CACNA2D3: variants seen among roughly 807,000 people sequenced by gnomAD.
CACNA2D3 encodes voltage-dependent calcium channel subunit alpha-2/delta-3.
In CACNA2D3, 60 loss-of-function variants were observed where a neutral mutation model predicts 160.6. The ratio of observed to expected loss-of-function variants is 0.37; its 90% CI spans 0.30 to 0.46. The LOEUF is 0.46. Ranked by LOEUF, CACNA2D3 falls within the 20% of genes least tolerant of loss-of-function variation. The probability of loss-of-function intolerance (pLI) is 1.00; values close to 1 mark genes in which losing one functional copy is unlikely to be tolerated. For synonymous variants in CACNA2D3, 558 were observed against 492.9 expected, an observed-to-expected ratio of 1.13 and a Z score of -1.75; for missense variants, 1,205 against 1,365.0, an observed-to-expected ratio of 0.88 and a Z score of 1.85.
At chr3:54,352,085 A>G (rs1328910835) in intron 3 of CACNA2D3, among the ~76,000 whole-genome samples, 1 of 152,146 alleles carries the variant, frequency 6.6e-6, no homozygotes, top group African/African-American at 2.4e-5. Flanking sequence ...CCAGGTGATG[A>G]TAGGCCAGGG....
In CACNA2D3 at chr3:54,203,820, C is replaced by T. The variant is rs200888566; in HGVS notation, c.204+80226C>T. On this transcript the variant is annotated intron_variant, in intron 2 of 37. Transcript: ENST00000474759. The stretch of plus-strand genomic sequence containing the variant: ...CTTCTTCCGCTGATGTGCCTCTTGA[C>T]GTCTGGCTGCCTGCGTGTCTGCTTG... Among the ~76,000 whole-genome samples, 9 of 152,144 alleles carry T rather than the reference C, an allele frequency of 5.9e-5. No homozygotes were observed. In the East Asian group the frequency reaches 1.2e-3, roughly 20 times the overall value.
At chr3:54,891,855 GT>G (rs1433739094) in intron 25 of CACNA2D3, among the ~76,000 whole-genome samples, 1 of 152,198 alleles carries the variant, frequency 6.6e-6, no homozygotes, top group African/African-American at 2.4e-5. Context: ...AAAAGTCACT[GT>G]TCCAAGTCCT....
chr3:54,131,352 G>T (rs999810933), intron 2 of CACNA2D3, among the ~76,000 whole-genome samples: 1 of 152,160 alleles, frequency 6.6e-6, no homozygotes, highest in Non-Finnish European at 1.5e-5. Flanking sequence ...AGCATGGGGG[G>T]AGATGCCCAG....
intron 2 of CACNA2D3, among the ~76,000 whole-genome samples, chr3:54,265,628 TGTGTATATATATAGTGTGTATATATATA>T (rs1559901365): frequency 1.4e-4 from 20 of 143,922 alleles, no homozygotes; most frequent in South Asian, 4.4e-4. Flanking sequence ...ATATATATAG[TGTGTATATATATAGTGTGTATATATATA>T]GTGTATATAT....
rs1302815709 is a variant in CACNA2D3 at position 54,681,826 on chromosome 3, G to T, written c.1167+39585G>T. Reference sequence around the variant, plus strand: ...CCCAAGGAGCTGAGATTGCAGGCAGGCATGCACCACCACACCCAGCTAACT... The same window carrying T: ...CCCAAGGAGCTGAGATTGCAGGCAGTCATGCACCACCACACCCAGCTAACT... On this transcript the variant is annotated intron_variant, in intron 11 of 37. Coordinates refer to ENST00000474759, the MANE Select transcript of CACNA2D3 (RefSeq NM_018398.3). Among the ~76,000 whole-genome samples, 2 of 152,144 alleles carry T rather than the reference G, an allele frequency of 1.3e-5. 1 individual carries two copies. The highest frequency in any genetic ancestry group is 3.9e-4 in the East Asian group (2 of 5,162).
At chr3:54,871,511 CT>C in intron 17 of CACNA2D3, 27 bp from the exon 18 acceptor site, 1 of 1,575,354 alleles carries the variant, frequency 6.3e-7, no homozygotes, top group Non-Finnish European at 8.7e-7. Context: ...TTTTGTTTTT[CT>C]TTTCTTTTTC....
At chr3:54,541,719 G>T (rs1042655890) in intron 5 of CACNA2D3, among the ~76,000 whole-genome samples, 3 of 152,224 alleles carry the variant, frequency 2.0e-5, no homozygotes, top group Non-Finnish European at 4.4e-5. Flanking sequence ...GAAAGATCAT[G>T]AAGGATGAAG....
intron 35 of CACNA2D3, among the ~76,000 whole-genome samples, chr3:55,037,705 T>C (rs1703858928): frequency 1.3e-5 from 2 of 152,194 alleles, no homozygotes; most frequent in South Asian, 2.1e-4. Context: ...CTCATTTTAG[T>C]GTATGTTTTA....
At chr3:54,784,234 C>T (rs553978385) in intron 13 of CACNA2D3, among the ~76,000 whole-genome samples, 2 of 152,174 alleles carry the variant, frequency 1.3e-5, no homozygotes, top group Non-Finnish European at 2.9e-5. Flanking sequence ...GACCTCTGAA[C>T]GGAAGCAAGT....
In CACNA2D3 at chr3:54,885,419, T is replaced by C; in HGVS notation, c.1959-70T>C. ...GTGCTCCCTTGCCCAGTTTTCCTGA[T>C]TCCAAGGCAAAGGAAGCAGATGCTG... On this transcript the variant is annotated intron_variant, in intron 22 of 37. Transcript: ENST00000474759. 4 of 1,600,896 alleles carry C rather than the reference T, an allele frequency of 2.5e-6. No individual in the cohort carries two copies. In the South Asian group the frequency reaches 4.4e-5, roughly 18 times the overall value.
At chr3:54,663,982 A>G (rs1449468727) in intron 11 of CACNA2D3, among the ~76,000 whole-genome samples, 1 of 152,178 alleles carries the variant, frequency 6.6e-6, no homozygotes, top group Non-Finnish European at 1.5e-5. Flanking sequence ...AGATTTTTCC[A>G]TTCCCTAAAG....
At chr3:54,147,970 C>A (rs1700068236) in intron 2 of CACNA2D3, among the ~76,000 whole-genome samples, 1 of 152,190 alleles carries the variant, frequency 6.6e-6, no homozygotes, top group Non-Finnish European at 1.5e-5. Context: ...CCATGCCCAG[C>A]TAATTTTTAT....
intron 9 of CACNA2D3, among the ~76,000 whole-genome samples, chr3:54,620,391 T>TG (rs2106802976): frequency 6.6e-6 from 1 of 152,318 alleles, no homozygotes; most frequent in South Asian, 2.1e-4. Flanking sequence ...TGAGGATACC[T>TG]GCACTGTAGC....
At chr3:54,454,865 G>T (rs938292200) in intron 4 of CACNA2D3, among the ~76,000 whole-genome samples, 1 of 151,796 alleles carries the variant, frequency 6.6e-6, no homozygotes, top group South Asian at 2.1e-4. Flanking sequence ...TCTGTGCCTG[G>T]CTTATTTCAT....
chr3:54,530,588 A>G (rs1041596172), intron 5 of CACNA2D3, among the ~76,000 whole-genome samples: 2 of 152,138 alleles, frequency 1.3e-5, no homozygotes, highest in Non-Finnish European at 2.9e-5. Flanking sequence ...TAACATTACT[A>G]TTTTTGAAGG....
intron 14 of CACNA2D3, among the ~76,000 whole-genome samples, chr3:54,833,073 G>T (rs571075031): frequency 1.1e-4 from 17 of 152,314 alleles, no homozygotes; most frequent in African/African-American, 4.1e-4. Context: ...GAGCCTACAT[G>T]CATGATTAAC....
At chr3:54,662,192 T>G (rs1369838368) in intron 11 of CACNA2D3, among the ~76,000 whole-genome samples, 4 of 152,060 alleles carry the variant, frequency 2.6e-5, no homozygotes, top group Admixed American at 1.3e-4. Context: ...GTGTGTGTGT[T>G]TTTTATAGAT....
intron 3 of CACNA2D3, among the ~76,000 whole-genome samples, chr3:54,364,088 G>C (rs1698789206): frequency 6.6e-6 from 1 of 152,208 alleles, no homozygotes; most frequent in African/African-American, 2.4e-5. Context: ...TTTTTAGCCA[G>C]CTCTCAGAGA....
At chr3:54,987,913 C>T (rs542889675) in intron 31 of CACNA2D3, among the ~76,000 whole-genome samples, 160 bp downstream of exon 31, 56 of 152,256 alleles carry the variant, frequency 3.7e-4, no homozygotes, top group African/African-American at 7.5e-4. Flanking sequence ...GCCTCTTGCA[C>T]GAGTGTTAGA....
Sources: allele counts gnomAD v4.1 joint callset (sites outside exome capture counted in the v4.1 genomes callset), GRCh38; gene constraint gnomAD v4.1.1; transcripts MANE v1.5; gene names NCBI Gene and HGNC (gene_info 2026-07-23, HGNC 2026-07-21).